Variants in PNPLA7 observed in about 807,000 individuals in gnomAD.
PNPLA7 encodes patatin-like phospholipase domain-containing protein 7.
In PNPLA7, 153 loss-of-function variants were observed where a neutral mutation model predicts 161.7. The observed-to-expected ratio is 0.95, with a 90% CI of 0.83 to 1.08. The LOEUF is 1.08. PNPLA7 is among the 50% of genes least tolerant of loss of function. The pLI, the probability that PNPLA7 is intolerant of heterozygous loss-of-function variation, is 0.00. For missense variants in PNPLA7, 1,739 were observed against 1,856.6 expected (o/e 0.94, Z 1.16); for synonymous variants, 809 against 782.1 (o/e 1.03, Z -0.57).
At chr9:137,483,733 A>G (rs1451923658) in intron 21 of PNPLA7, among the ~76,000 whole-genome samples, 1 of 152,148 alleles carries the variant, frequency 6.6e-6, no homozygotes, top group East Asian at 1.9e-4. Context: ...CTGGGATTAC[A>G]GGCATGAGCC....
In PNPLA7 at chr9:137,520,744, G is replaced by T. The variant is rs1834941142; in HGVS notation, c.958-701C>A. On this transcript the variant is annotated intron_variant, in intron 10 of 34. Transcript: ENST00000406427. This position sits in a 1 kb window ranked among gnomAD's most constrained non-coding sequence, Gnocchi z 5.2. The stretch of plus-strand genomic sequence containing the variant: ...ACGTCCCGGCCAAGTGCCTCCCAGG[G>T]TCACACCGCCAGGAGGAGGGAGAGC... Among the ~76,000 whole-genome samples the T allele has an allele frequency of 6.6e-6, 1 of 152,214 alleles. No homozygotes were observed. Among genetic ancestry groups the T allele is most frequent in the South Asian group, 2.1e-4 (1 of 4,834 alleles).
intron 15 of PNPLA7, among the ~76,000 whole-genome samples, chr9:137,501,212 C>CG (rs933712589): frequency 3.3e-5 from 5 of 152,300 alleles, no homozygotes; most frequent in East Asian, 3.9e-4. Flanking sequence ...TTCCTGTGCA[C>CG]GGGGGGTCCC....
chr9:137,526,981 A>G (rs763661244), intron 8 of PNPLA7, among the ~76,000 whole-genome samples: 6 of 151,976 alleles, frequency 3.9e-5, no homozygotes, highest in African/African-American at 4.8e-5. Flanking sequence ...GTAAGAACAC[A>G]CACTTGGCCA....
At position 137,478,133 on chromosome 9, in the gene PNPLA7, A is replaced by G. The variant is rs373286904; in HGVS notation, c.2783T>C (p.Val928Ala). ...LPKLVEMYKH[V>A]FQRPPDRHSD... ...GTGTCGGTCCGGGGGCCGCTGGAAG[A>G]CATGCTTGTACATCTCCACCTGGGG... Residue 928 changes from valine to alanine, a missense_variant, in exon 25 of 35, where the codon GTC (valine) becomes GCC (alanine). Coordinates refer to ENST00000406427, the MANE Select transcript of PNPLA7 (RefSeq NM_001098537.3). 3.0e-6 allele frequency: 4 copies of G among 1,338,468 alleles called. No individual in the cohort carries two copies. The African/African-American group carries it at 6.1e-5, about 21-fold the overall frequency. The allele number at this position is 1,338,468 out of a possible 1,614,324, so 82.9% of individuals were successfully genotyped here.
At chr9:137,538,490 G>A (rs1009131192) in intron 8 of PNPLA7, among the ~76,000 whole-genome samples, 1 of 152,214 alleles carries the variant, frequency 6.6e-6, no homozygotes. Flanking sequence ...AGGACCTAGC[G>A]CTTGGTTCTG....
At chr9:137,480,503 C>A (rs769432469) in intron 22 of PNPLA7, 23 bp from the exon 23 acceptor site, 2 of 1,588,266 alleles carry the variant, frequency 1.3e-6, no homozygotes, top group East Asian at 4.5e-5. Flanking sequence ...GAGGGAGTAC[C>A]TCACTACTCC....
chr9:137,467,109 C>G lies in PNPLA7; in HGVS notation c.3039+208G>C, dbSNP rs1443586759. ...CACCAACTCAGACCTGGGCACAGATCAGACCGCCTCCCACCACCAACCTGC... is the reference window on the plus strand; with the variant it reads ...CACCAACTCAGACCTGGGCACAGATGAGACCGCCTCCCACCACCAACCTGC... On this transcript the variant is annotated intron_variant, in intron 26 of 34. Coordinates refer to ENST00000406427, the MANE Select transcript of PNPLA7 (RefSeq NM_001098537.3). The surrounding 1 kb of genome is among the most constrained non-coding windows in gnomAD (Gnocchi z 5.1). 6.6e-6 allele frequency among the ~76,000 whole-genome samples: 1 copy of G among 152,224 alleles called. No homozygotes were observed. The highest frequency in any genetic ancestry group is 1.5e-5 in the Non-Finnish European group (1 of 68,042).
At chr9:137,526,154 C>T (rs1356033422) in intron 8 of PNPLA7, among the ~76,000 whole-genome samples, 3 of 152,222 alleles carry the variant, frequency 2.0e-5, no homozygotes, top group Admixed American at 6.5e-5. Context: ...CTCGTGCCCT[C>T]GGTCTCTTGC....
At chr9:137,482,419 G>A (rs935288868) in intron 21 of PNPLA7, among the ~76,000 whole-genome samples, 1 of 152,244 alleles carries the variant, frequency 6.6e-6, no homozygotes, top group Non-Finnish European at 1.5e-5. Context: ...TGAGCTCCAG[G>A]CCAGGAAAAG....
chr9:137,501,373 T>C (rs941579805), intron 15 of PNPLA7, among the ~76,000 whole-genome samples: 1 of 152,220 alleles, frequency 6.6e-6, no homozygotes, highest in African/African-American at 2.4e-5. Flanking sequence ...CTGTATCCAC[T>C]GTGACCTCTT....
At position 137,520,020 on chromosome 9, in the gene PNPLA7, C is replaced by G; in HGVS notation, c.981G>C (p.Val327=). 4.3e-6 allele frequency: 7 copies of G among 1,612,656 alleles called. No individual in the cohort carries two copies. Among genetic ancestry groups the G allele is most frequent in the Non-Finnish European group, 5.9e-6 (7 of 1,179,920 alleles). The change falls in exon 11 of 35, where the codon GTG becomes GTC. Residue 327 remains valine, a synonymous_variant. Coordinates refer to ENST00000406427, the MANE Select transcript of PNPLA7 (RefSeq NM_001098537.3). This position sits in a 1 kb window ranked among gnomAD's most constrained non-coding sequence, Gnocchi z 5.2. The stretch of plus-strand genomic sequence containing the variant: ...TCCCGGCAGCCACACTGGCTACAGA[C>G]ACGAGAGGGATGGCCTGGCTCTCCT... ...FNAESQAIPL[V]SVASVAAGKA... is the part of the protein sequence containing the mutation.
Position 137,497,198 on chromosome 9 carries a change from G to T in PNPLA7, c.2002C>A (p.Leu668Ile). ...RLAGEYGRGDLVGVVETLTHQ... is the reference protein window; with the variant it reads ...RLAGEYGRGDIVGVVETLTHQ... ...GGCCCAGCACCTACCACGCCGACGA[G>T]GTCTCCTCGGCCGTACTCCCCGGCC... Residue 668 changes from leucine to isoleucine, a missense_variant, in exon 18 of 35, where the codon CTC becomes ATC. Transcript: ENST00000406427. 6.3e-7 allele frequency: 1 copy of T among 1,581,986 alleles called. No homozygotes were observed. Among genetic ancestry groups the T allele is most frequent in the Non-Finnish European group, 8.6e-7 (1 of 1,165,754 alleles).
intron 19 of PNPLA7, among the ~76,000 whole-genome samples, chr9:137,493,718 C>T (rs1341263406): frequency 6.6e-6 from 1 of 152,244 alleles, no homozygotes; most frequent in Non-Finnish European, 1.5e-5. Context: ...GCCAGGGCTC[C>T]TGCTCCGAGG....
rs554751768 is a variant in PNPLA7 at position 137,486,425 on chromosome 9, T to C, written c.2198-1689A>G. ...AGGAAAATAGCTGATGACGTGCTGCTGAGCAGGAAAGCTGCAGAGTGGTTT... is the reference window on the plus strand; with the variant it reads ...AGGAAAATAGCTGATGACGTGCTGCCGAGCAGGAAAGCTGCAGAGTGGTTT... On this transcript the variant is annotated intron_variant, in intron 20 of 34. Transcript: ENST00000406427. This position sits in a 1 kb window ranked among gnomAD's most constrained non-coding sequence, Gnocchi z 6.0. 1.3e-5 allele frequency among the ~76,000 whole-genome samples: 2 copies of C among 152,296 alleles called. No homozygotes were observed. Among genetic ancestry groups the C allele is most frequent in the Admixed American group, 1.3e-4 (2 of 15,300 alleles).
intron 21 of PNPLA7, among the ~76,000 whole-genome samples, chr9:137,482,274 G>A (rs184715476): frequency 1.6e-4 from 24 of 152,378 alleles, no homozygotes; most frequent in Admixed American, 1.2e-3. Flanking sequence ...CCACACAGAA[G>A]CACGCACACA....
intron 12 of PNPLA7, among the ~76,000 whole-genome samples, chr9:137,510,782 C>T (rs1252611119): frequency 6.6e-6 from 1 of 152,230 alleles, no homozygotes; most frequent in Non-Finnish European, 1.5e-5. Flanking sequence ...GTGTCAGTGC[C>T]TGAAACGCCA....
chr9:137,546,802 G>A, intron 4 of PNPLA7, 28 bp downstream of exon 4: 10 of 1,610,302 alleles, frequency 6.2e-6, no homozygotes, highest in Non-Finnish European at 8.5e-6. Context: ...GAAGCCGTGT[G>A]CAGCCTGGGG....
chr9:137,504,063 A>G (rs992259495), intron 14 of PNPLA7, among the ~76,000 whole-genome samples: 13 of 131,806 alleles, frequency 9.9e-5, no homozygotes, highest in South Asian at 2.5e-4. Flanking sequence ...GAAGAAGAAG[A>G]AAGAAGAAGG....
intron 11 of PNPLA7, chr9:137,516,400 C>A (rs1011045048): frequency 2.0e-6 from 2 of 984,978 alleles, no homozygotes; most frequent in Non-Finnish European, 2.4e-6. Flanking sequence ...GGCCCATGAG[C>A]ACCCCCGGCC....
Sources: gnomAD v4.1 joint callset for allele counts (sites outside exome capture counted in the v4.1 genomes callset) on GRCh38, gnomAD v4.1.1 for gene constraint, Gnocchi (gnomAD v3.1) non-coding constraint, MANE v1.5 for transcripts, NCBI Gene and HGNC (gene_info 2026-07-23, HGNC 2026-07-21) for gene names.